FHIP1A: variants seen among roughly 807,000 people sequenced by gnomAD.
FHIP1A encodes FHF complex subunit HOOK-interacting protein 1A.
Under a neutral mutation model 88.6 loss-of-function variants are expected in FHIP1A, and 61 were observed. That is an observed-to-expected ratio of 0.69 (90% confidence interval 0.56 to 0.85). The LOEUF (loss-of-function observed/expected upper bound fraction) is 0.85. FHIP1A is among the 40% of genes least tolerant of loss of function. FHIP1A has a pLI of 0.00. For missense variants in FHIP1A, 1,154 were observed against 1,273.5 expected, an observed-to-expected ratio of 0.91 and a Z score of 1.43; for synonymous variants, 478 against 496.0, an observed-to-expected ratio of 0.96 and a Z score of 0.48.
intron 3 of FHIP1A, among the ~76,000 whole-genome samples, chr4:151,512,558 A>C (rs1004683618): frequency 8.5e-5 from 13 of 152,228 alleles, no homozygotes; most frequent in Non-Finnish European, 1.8e-4. Context: ...CTTTGAAAAA[A>C]ATTTAGACGA....
chr4:151,600,823 A>G (rs920194300), intron 7 of FHIP1A, among the ~76,000 whole-genome samples: 2 of 152,182 alleles, frequency 1.3e-5, no homozygotes, highest in Non-Finnish European at 1.5e-5. Context: ...TTGAACTCCA[A>G]GGACTCCGAG....
intron 2 of FHIP1A, among the ~76,000 whole-genome samples, chr4:151,476,048 G>A (rs113731149): frequency 0.12 from 18,796 of 151,426 alleles, 1,282 homozygotes; most frequent in African/African-American, 0.17. Context: ...TTTTAGTAGA[G>A]ACGGGGTTTC....
chr4:151,502,157 G>GAAAAA (rs370065238), intron 3 of FHIP1A, among the ~76,000 whole-genome samples: 13 of 114,110 alleles, frequency 1.1e-4, no homozygotes, highest in Non-Finnish European at 2.0e-4. Context: ...CTCTACAAAA[G>GAAAAA]AAAAAAAAAA....
At chr4:151,622,921 C>T (rs893503184) in intron 7 of FHIP1A, among the ~76,000 whole-genome samples, 2 of 152,096 alleles carry the variant, frequency 1.3e-5, no homozygotes, top group Non-Finnish European at 2.9e-5. Context: ...TCATATACTG[C>T]ATTATACTCT....
At chr4:151,643,823 G>T (rs554756952) in intron 9 of FHIP1A, among the ~76,000 whole-genome samples, 1 of 152,140 alleles carries the variant, frequency 6.6e-6, no homozygotes, top group African/African-American at 2.4e-5. Flanking sequence ...ACCAATAGGG[G>T]ATCTCCCTTG....
chr4:151,665,865 T>C lies in FHIP1A; in HGVS notation c.*3111T>C, dbSNP rs564333598. ...GTCCGAGAGTGTGGACACTTCTCTA[T>C]GTGACAGGCTCCTACACCAGTCGCT... On this transcript the variant is annotated 3_prime_UTR_variant, in exon 14 of 14. Transcript: ENST00000435205. Among the ~76,000 whole-genome samples, 3 of 152,242 alleles carry C rather than the reference T, an allele frequency of 2.0e-5. No individual in the cohort carries two copies. Among genetic ancestry groups the C allele is most frequent in the African/African-American group, 2.4e-5 (1 of 41,464 alleles).
chr4:151,551,741 A>T (rs1413399662), intron 3 of FHIP1A, among the ~76,000 whole-genome samples: 1 of 152,196 alleles, frequency 6.6e-6, no homozygotes, highest in African/African-American at 2.4e-5. Context: ...CTAGAAGAAA[A>T]CCTAGGCAAT....
At chr4:151,570,087 C>A (rs2126778469) in intron 4 of FHIP1A, among the ~76,000 whole-genome samples, 1 of 152,310 alleles carries the variant, frequency 6.6e-6, no homozygotes, top group East Asian at 1.9e-4. Context: ...CTGGTTGAAC[C>A]TTTCAGTGGC....
chr4:151,485,379 T>A (rs1223991988), intron 3 of FHIP1A, among the ~76,000 whole-genome samples: 1 of 151,724 alleles, frequency 6.6e-6, no homozygotes, highest in Non-Finnish European at 1.5e-5. Context: ...ATTTCATTTT[T>A]AACATCATTT....
At chr4:151,588,549 T>C (rs1336347109) in intron 6 of FHIP1A, among the ~76,000 whole-genome samples, 1 of 152,148 alleles carries the variant, frequency 6.6e-6, no homozygotes, top group East Asian at 1.9e-4. Flanking sequence ...TATGAATCCT[T>C]ATACATACTC....
intron 3 of FHIP1A, among the ~76,000 whole-genome samples, chr4:151,513,530 C>A (rs1731114220): frequency 6.6e-6 from 1 of 151,932 alleles, no homozygotes; most frequent in Non-Finnish European, 1.5e-5. Flanking sequence ...GAGTCAAGAC[C>A]CATCAGTGTG....
intron 3 of FHIP1A, among the ~76,000 whole-genome samples, chr4:151,506,701 G>A (rs1033156970): frequency 6.6e-6 from 1 of 152,112 alleles, no homozygotes; most frequent in Non-Finnish European, 1.5e-5. Flanking sequence ...CTTCATCAAG[G>A]ATCCACCCTC....
At chr4:151,591,775 G>T (rs1187024578) in intron 7 of FHIP1A, among the ~76,000 whole-genome samples, 1 of 152,158 alleles carries the variant, frequency 6.6e-6, no homozygotes, top group Non-Finnish European at 1.5e-5. Context: ...GCAAAGGAAT[G>T]AACTCATCCT....
intron 3 of FHIP1A, among the ~76,000 whole-genome samples, chr4:151,546,516 C>T (rs1319029305): frequency 6.6e-6 from 1 of 152,190 alleles, no homozygotes; most frequent in Non-Finnish European, 1.5e-5. Flanking sequence ...ATGTGATATT[C>T]ATTGTGTAAG....
intron 3 of FHIP1A, among the ~76,000 whole-genome samples, chr4:151,530,680 C>A (rs1731839600): frequency 6.6e-6 from 1 of 152,190 alleles, no homozygotes; most frequent in African/African-American, 2.4e-5. Flanking sequence ...CCTGCCTCCT[C>A]CCCTCTTTTG....
chr4:151,431,294 C>G (rs1252098465), intron 1 of FHIP1A, among the ~76,000 whole-genome samples: 1 of 152,070 alleles, frequency 6.6e-6, no homozygotes, highest in Non-Finnish European at 1.5e-5. Flanking sequence ...TGAGCCCTGG[C>G]CCGCCACTCC....
chr4:151,472,938 T>G (rs1357950771), intron 2 of FHIP1A, among the ~76,000 whole-genome samples: 1 of 152,220 alleles, frequency 6.6e-6, no homozygotes, highest in Non-Finnish European at 1.5e-5. Flanking sequence ...CCAAATCTGC[T>G]TGCTTACTTA....
chr4:151,497,848 A>G (rs1411749819), intron 3 of FHIP1A, among the ~76,000 whole-genome samples: 1 of 152,192 alleles, frequency 6.6e-6, no homozygotes, highest in Non-Finnish European at 1.5e-5. Flanking sequence ...CTGTCTAGCT[A>G]AGTTTTAGCG....
chr4:151,629,943 A>G, intron 8 of FHIP1A, 74 bp downstream of exon 8: 1 of 1,201,180 alleles, frequency 8.3e-7, no homozygotes, highest in Non-Finnish European at 1.2e-6. Flanking sequence ...TGGGAATGAA[A>G]TTATGAATAT....
Sources: allele counts gnomAD v4.1 joint callset (sites outside exome capture counted in the v4.1 genomes callset), GRCh38; gene constraint gnomAD v4.1.1; transcripts MANE v1.5; gene names NCBI Gene and HGNC (gene_info 2026-07-23, HGNC 2026-07-21).